TNRC6B: variants seen among roughly 807,000 people sequenced by gnomAD.
TNRC6B encodes the protein trinucleotide repeat containing adaptor 6B, also known as trinucleotide repeat-containing gene 6B protein.
TNRC6B carries 52 observed loss-of-function variants against 203.6 expected under a neutral mutation model. That is an observed-to-expected ratio of 0.26 (90% CI 0.20 to 0.32). TNRC6B has a LOEUF of 0.32. Among genes scored for constraint, TNRC6B ranks in the 10% least tolerant of loss-of-function variants. The probability of loss-of-function intolerance (pLI) is 1.00; values close to 1 mark genes in which losing one functional copy is unlikely to be tolerated. For missense variants in TNRC6B, 1,923 were observed against 2,286.2 expected, an observed-to-expected ratio of 0.84 and a Z score of 3.24; for synonymous variants, 838 against 845.7, an observed-to-expected ratio of 0.99 and a Z score of 0.16.
intron 1 of TNRC6B, among the ~76,000 whole-genome samples, chr22:40,070,823 A>G (rs1454310815): frequency 6.6e-6 from 1 of 151,888 alleles, no homozygotes; most frequent in Non-Finnish European, 1.5e-5. Context: ...CATATGTTAT[A>G]CAATGCCCCT....
At chr22:40,148,796 G>C (rs902644161) in intron 3 of TNRC6B, among the ~76,000 whole-genome samples, 5 of 152,080 alleles carry the variant, frequency 3.3e-5, no homozygotes, top group African/African-American at 1.2e-4. Context: ...ATTAAAAGGG[G>C]GGAACTTTGG....
chr22:40,331,874 C>T lies in TNRC6B; in HGVS notation c.*8633C>T, dbSNP rs2071472048. The T allele has an allele frequency of 2.9e-6, 1 of 343,488 alleles. No individual in the cohort carries two copies. The highest frequency in any genetic ancestry group is 5.3e-6 in the Non-Finnish European group (1 of 189,494). 21.3% of individuals were successfully genotyped at this position (343,488 alleles called of 1,614,324 possible). A position where few individuals can be genotyped will look rare whatever the true frequency, so the allele number is the denominator to read the frequency against. The stretch of plus-strand genomic sequence containing the variant: ...GAGTGAGAGACGAATGTGGTAAGGT[C>T]AGCACAGTGAGATAGAGACCTCTGA... On this transcript the variant is annotated 3_prime_UTR_variant, in exon 23 of 23. Coordinates refer to ENST00000454349, the MANE Select transcript of TNRC6B (RefSeq NM_001162501.2).
At chr22:40,144,758 T>G (rs4586740) in intron 3 of TNRC6B, among the ~76,000 whole-genome samples, 87,561 of 149,668 alleles carry the variant, frequency 0.59, 28,524 homozygotes, top group African/African-American at 0.89. Flanking sequence ...AGTGAAAAAA[T>G]GTAGATATAA....
intron 1 of TNRC6B, among the ~76,000 whole-genome samples, chr22:40,062,944 CT>C (rs796362211): frequency 0.013 from 1,956 of 149,032 alleles, 46 homozygotes; most frequent in African/African-American, 0.044. Flanking sequence ...TTCAGTTTAT[CT>C]TTTTTTTTTC....
chr22:40,263,492 G>A (rs1248525064), intron 4 of TNRC6B, among the ~76,000 whole-genome samples: 1 of 152,224 alleles, frequency 6.6e-6, no homozygotes, highest in Non-Finnish European at 1.5e-5. Flanking sequence ...CTGGGGTCCA[G>A]TGTGAGTCAG....
chr22:40,067,217 A>G (rs2067902388), intron 1 of TNRC6B, among the ~76,000 whole-genome samples: 1 of 152,176 alleles, frequency 6.6e-6, no homozygotes, highest in African/African-American at 2.4e-5. Context: ...GATACAAAGT[A>G]TGTAAAATTG....
chr22:40,063,938 A>C (rs904749934), intron 1 of TNRC6B, among the ~76,000 whole-genome samples: 12 of 152,134 alleles, frequency 7.9e-5, no homozygotes, highest in African/African-American at 2.9e-4. Context: ...CCTGGGCTCG[A>C]GTGATCCTCC....
In TNRC6B at chr22:40,091,169, G is replaced by A. The variant is rs2068147864; in HGVS notation, c.-120-25886G>A. On this transcript the variant is annotated intron_variant, in intron 1 of 23. Coordinates refer to the TNRC6B transcript ENST00000301923. Reference sequence around the variant, plus strand: ...CATAATTTTTTTTTTTATTTTAGTAGAGACAGGGTTTCACCGTGTTAGCCA... The same window carrying A: ...CATAATTTTTTTTTTTATTTTAGTAAAGACAGGGTTTCACCGTGTTAGCCA... 6.6e-5 allele frequency among the ~76,000 whole-genome samples: 10 copies of A among 151,864 alleles called. No individual in the cohort carries two copies. In the South Asian group the frequency reaches 1.9e-3, roughly 28 times the overall value.
rs1270642277 is a variant in TNRC6B at position 40,330,012 on chromosome 22, A to G, written c.*6771A>G. The G allele has an allele frequency of 6.6e-6, 1 of 152,238 alleles. No homozygotes were observed. The highest frequency in any genetic ancestry group is 6.5e-5 in the Admixed American group (1 of 15,286). The allele number at this position is 152,238 out of a possible 1,614,324, so 9.4% of individuals were successfully genotyped here. A position where few individuals can be genotyped will look rare whatever the true frequency, so the allele number is the denominator to read the frequency against. ...TTATCTTGTTCATGGGAGGGGAAAG[A>G]TCAGATAAATAGGCAAGAAGTACTC... On this transcript the variant is annotated 3_prime_UTR_variant, in exon 23 of 23. Transcript: ENST00000454349.
At chr22:40,174,824 C>CA (rs1179268276), upstream of TNRC6B, among the ~76,000 whole-genome samples, 903 of 86,598 alleles carry the variant, frequency 0.01, 4 homozygotes, top group African/African-American at 0.021. Context: ...GACTCCATCT[C>CA]AAAAAAAAAA....
Position 40,265,929 on chromosome 22 carries a change from A to G in TNRC6B, c.1699A>G (p.Ser567Gly), listed in dbSNP as rs2070472281. ...GGGAAGATCTTCCAGCTCCACAGGA[A>G]GTGAAGTTGGAGGTCAAAGCACTGG... is the stretch of plus-strand genomic sequence containing the variant. ...CWGRSSSSTG[S>G]EVGGQSTGSN... Residue 567 changes from serine (S) to glycine (G), a missense_variant, in exon 5 of 23, where the codon AGT becomes GGT. By Grantham distance (56) the Ser-to-Gly change is moderately conservative. Transcript: ENST00000454349. 6.2e-7 allele frequency: 1 copy of G among 1,614,030 alleles called. No homozygotes were observed.
rs373660435 is a variant in TNRC6B, at chr22:40,306,185, C to T, written c.4121-2327C>T. Among the ~76,000 whole-genome samples, 5 of 152,112 alleles carry T rather than the reference C, an allele frequency of 3.3e-5. No homozygotes were observed. In the East Asian group the frequency reaches 7.7e-4, roughly 24 times the overall value. ...GCAGGCACCTGTAGTCCCAGCTGCT[C>T]GGGAGGCTAAGGCAGGAAAATCGCT... On this transcript the variant is annotated intron_variant, in intron 15 of 22. Coordinates refer to ENST00000454349, the MANE Select transcript of TNRC6B (RefSeq NM_001162501.2).
At chr22:40,067,674 G>A (rs938418398) in intron 1 of TNRC6B, among the ~76,000 whole-genome samples, 7 of 152,150 alleles carry the variant, frequency 4.6e-5, no homozygotes, top group South Asian at 2.1e-4. Context: ...GCTGAAGATC[G>A]TGGAGTTCTG....
intron 1 of TNRC6B, among the ~76,000 whole-genome samples, chr22:40,190,360 A>T (rs969528150): frequency 6.6e-6 from 1 of 152,198 alleles, no homozygotes; most frequent in South Asian, 2.1e-4. Flanking sequence ...AGCAAAATTT[A>T]TCTGATTCAG....
intron 1 of TNRC6B, among the ~76,000 whole-genome samples, chr22:40,072,754 C>T (rs1374441421): frequency 6.7e-6 from 1 of 150,326 alleles, no homozygotes; most frequent in African/African-American, 2.5e-5. Flanking sequence ...ATCCCAGATA[C>T]TCAGGAGGCG....
intron 1 of TNRC6B, among the ~76,000 whole-genome samples, chr22:40,226,680 A>G (rs1220395911): frequency 6.6e-6 from 1 of 152,196 alleles, no homozygotes; most frequent in Non-Finnish European, 1.5e-5. Context: ...AATCAAATGT[A>G]TCATTGTTTG....
At chr22:40,287,066 TG>T (rs2070794743) in intron 12 of TNRC6B, among the ~76,000 whole-genome samples, 1 of 152,136 alleles carries the variant, frequency 6.6e-6, no homozygotes, top group African/African-American at 2.4e-5. Context: ...TGGAGTGCAG[TG>T]GTGTGATCCA....
In TNRC6B at chr22:40,200,583, C is replaced by T. The variant is rs568267781; in HGVS notation, c.5+22443C>T. ...GATTACAGGCGTGAGCCACCGCGCC[C>T]GGCTAAAAAGTAATATTCTTGCCTA... is the stretch of plus-strand genomic sequence containing the variant. On this transcript the variant is annotated intron_variant, in intron 1 of 22. Transcript: ENST00000454349. 7.4e-4 allele frequency among the ~76,000 whole-genome samples: 113 copies of T among 151,926 alleles called. 2 individuals are homozygous for T. In the South Asian group the frequency reaches 0.018, roughly 24 times the overall value.
chr22:40,057,340 C>CTGGA (rs1173697549), intron 1 of TNRC6B, among the ~76,000 whole-genome samples: 1 of 142,512 alleles, frequency 7.0e-6, no homozygotes, highest in African/African-American at 2.7e-5. Context: ...GTTGCCCAGG[C>CTGGA]TGGAGTACAA....
Sources: gnomAD v4.1 joint callset for allele counts (sites outside exome capture counted in the v4.1 genomes callset) on GRCh38, gnomAD v4.1.1 for gene constraint, MANE v1.5 for transcripts, NCBI Gene and HGNC (gene_info 2026-07-23, HGNC 2026-07-21) for gene names.